GALK2: variants seen among roughly 807,000 people sequenced by gnomAD.
The protein encoded by GALK2 is N-acetylgalactosamine kinase.
GALK2 carries 36 observed loss-of-function variants against 52.4 expected under a neutral mutation model. The ratio of observed to expected loss-of-function variants is 0.69; its 90% CI spans 0.53 to 0.91. The LOEUF (loss-of-function observed/expected upper bound fraction) is 0.91, where lower values mean the gene tolerates loss of function less well. GALK2 is among the 40% of genes least tolerant of loss of function. The pLI, the probability that GALK2 is intolerant of heterozygous loss-of-function variation, is 0.00. For missense variants in GALK2, 579 were observed against 559.1 expected, an observed-to-expected ratio of 1.04 and a Z score of -0.36; for synonymous variants, 176 against 199.1, an observed-to-expected ratio of 0.88 and a Z score of 0.98.
intron 3 of GALK2, among the ~76,000 whole-genome samples, chr15:49,223,780 A>T (rs2089968160): frequency 6.6e-6 from 1 of 152,026 alleles, no homozygotes; most frequent in Admixed American, 6.6e-5. Flanking sequence ...TTCTTTATCC[A>T]GCCCACCATT....
At chr15:49,365,167 G>A (rs185556537) in intron 3 of GALK2, 38 of 762,254 alleles carry the variant, frequency 5.0e-5, no homozygotes, top group East Asian at 2.7e-4. Context: ...GGTTTTCTTC[G>A]TTTTTTGCAT....
chr15:49,159,886 G>A (rs975184714), intron 1 of GALK2, among the ~76,000 whole-genome samples: 2 of 152,044 alleles, frequency 1.3e-5, no homozygotes, highest in Non-Finnish European at 2.9e-5. Context: ...GAAAGGATTC[G>A]GATATCATGA....
chr15:49,285,348 T>C (rs1043945809), intron 7 of GALK2, among the ~76,000 whole-genome samples: 7 of 152,188 alleles, frequency 4.6e-5, no homozygotes, highest in African/African-American at 1.7e-4. Flanking sequence ...TTTTTAGTTT[T>C]AGCCATTCCC....
intron 8 of GALK2, among the ~76,000 whole-genome samples, chr15:49,301,070 C>G (rs1413412170): frequency 2.6e-5 from 4 of 152,056 alleles, no homozygotes; most frequent in Non-Finnish European, 5.9e-5. Flanking sequence ...TCTTCACTTA[C>G]AAAACTTGTT....
In GALK2 at chr15:49,357,033, C is replaced by T. The variant is rs1251614478; in HGVS notation, c.427-10458C>T. On this transcript the variant is annotated intron_variant, in intron 3 of 3. Coordinates refer to the GALK2 transcript ENST00000558399. Reference sequence around the variant, plus strand: ...CAGAAATAAAGATGCTCTTTGAAACCAACGAGAACAAAGACACAACATACC... The same window carrying T: ...CAGAAATAAAGATGCTCTTTGAAACTAACGAGAACAAAGACACAACATACC... Among the ~76,000 whole-genome samples, 9 of 151,174 alleles carry T rather than the reference C, an allele frequency of 6.0e-5. No individual in the cohort carries two copies. The East Asian group carries it at 1.7e-3, about 29-fold the overall frequency.
intron 4 of GALK2, among the ~76,000 whole-genome samples, chr15:49,237,392 AC>A (rs931192235): frequency 3.3e-4 from 51 of 152,312 alleles, no homozygotes; most frequent in African/African-American, 1.2e-3. Context: ...TGTGGCATAT[AC>A]CCATTTGCAT....
chr15:49,199,537 C>T (rs2087546763), intron 1 of GALK2, among the ~76,000 whole-genome samples: 1 of 152,138 alleles, frequency 6.6e-6, no homozygotes, highest in Admixed American at 6.5e-5. Context: ...CACAAGTGAC[C>T]ATATTTGTAA....
At chr15:49,287,622 A>T (rs894723732) in intron 7 of GALK2, among the ~76,000 whole-genome samples, 1 of 151,988 alleles carries the variant, frequency 6.6e-6, no homozygotes, top group Non-Finnish European at 1.5e-5. Flanking sequence ...TAAAAAGTTT[A>T]AAAAAAAGCT....
chr15:49,172,364 G>A (rs3105864), intron 1 of GALK2, among the ~76,000 whole-genome samples: 89,425 of 152,012 alleles, frequency 0.59, 26,457 homozygotes, highest in Middle Eastern at 0.66. Flanking sequence ...AAGCTCTGCC[G>A]TTTTCTTGTT....
At chr15:49,161,336 A>G (rs1240144144) in intron 1 of GALK2, among the ~76,000 whole-genome samples, 2 of 152,234 alleles carry the variant, frequency 1.3e-5, no homozygotes, top group Non-Finnish European at 2.9e-5. Context: ...CTGCTTGAGT[A>G]CACAGGTGCT....
At chr15:49,272,673 T>G (rs1450566642) in intron 5 of GALK2, among the ~76,000 whole-genome samples, 2 of 152,188 alleles carry the variant, frequency 1.3e-5, no homozygotes, top group Non-Finnish European at 2.9e-5. Flanking sequence ...AGAGTCATCA[T>G]CTGGAGAAAT....
chr15:49,292,204 G>A (rs2034004965), intron 7 of GALK2, 123 bp from the exon 8 acceptor site: 6 of 792,994 alleles, frequency 7.6e-6, no homozygotes, highest in South Asian at 3.6e-5. Context: ...TGGGAAAGTT[G>A]GATAGGTTGA....
intron 9 of GALK2, among the ~76,000 whole-genome samples, chr15:49,324,218 T>C (rs2037137070): frequency 6.6e-6 from 1 of 152,170 alleles, no homozygotes; most frequent in Non-Finnish European, 1.5e-5. Flanking sequence ...GGATCAACTA[T>C]GATTACAAAA....
At chr15:49,334,026 G>A (rs2151166678), downstream of GALK2, among the ~76,000 whole-genome samples, 1 of 152,290 alleles carries the variant, frequency 6.6e-6, no homozygotes, top group South Asian at 2.1e-4. Context: ...TCCTATGGCT[G>A]GAGAGTAAAA....
rs932024263 is a variant in GALK2 at position 49,253,778 on chromosome 15, G to T, written c.504+14411G>T. Among the ~76,000 whole-genome samples, 2 of 143,850 alleles carry T rather than the reference G, an allele frequency of 1.4e-5. 1 individual carries two copies. Among genetic ancestry groups the T allele is most frequent in the Non-Finnish European group, 3.1e-5 (2 of 64,180 alleles). The allele number at this position is 143,850 out of a possible 152,430, so 94.4% of individuals were successfully genotyped here. On this transcript the variant is annotated intron_variant, in intron 5 of 9. Coordinates refer to ENST00000560031, the MANE Select transcript of GALK2 (RefSeq NM_002044.4). ...TATGTTATATCAAAGAGATATGGAAGATTTCACTTTTATAGTATATTAACA... is the reference window on the plus strand; with the variant it reads ...TATGTTATATCAAAGAGATATGGAATATTTCACTTTTATAGTATATTAACA...
intron 5 of GALK2, among the ~76,000 whole-genome samples, chr15:49,247,579 G>T (rs920624981): frequency 6.6e-6 from 1 of 152,200 alleles, no homozygotes; most frequent in Non-Finnish European, 1.5e-5. Flanking sequence ...TATTTTATAT[G>T]TAAATGAATA....
At chr15:49,239,448 C>A in intron 5 of GALK2, 81 bp downstream of exon 5, 1 of 1,345,806 alleles carries the variant, frequency 7.4e-7, no homozygotes, top group African/African-American at 1.5e-5. Context: ...GAATGCCTTC[C>A]TTGATTGAAA....
At chr15:49,351,589 C>G (rs1157772725) in intron 3 of GALK2, among the ~76,000 whole-genome samples, 1 of 152,126 alleles carries the variant, frequency 6.6e-6, no homozygotes, top group South Asian at 2.1e-4. Flanking sequence ...ATACACCGTC[C>G]CAAGTTGGGT....
chr15:49,280,097 A>G (rs896594744), intron 5 of GALK2, among the ~76,000 whole-genome samples: 1 of 152,252 alleles, frequency 6.6e-6, no homozygotes, highest in Admixed American at 6.5e-5. Flanking sequence ...GGGGACACAA[A>G]AGAAACACCA....
Sources: gnomAD v4.1 joint callset for allele counts (sites outside exome capture counted in the v4.1 genomes callset) on GRCh38, gnomAD v4.1.1 for gene constraint, MANE v1.5 for transcripts, NCBI Gene and HGNC (gene_info 2026-07-23, HGNC 2026-07-21) for gene names.